The following NRG1 variants were observed in gnomAD, a reference collection of about 807,000 sequenced individuals.
NRG1 encodes neuregulin 1.
A neutral mutation model predicts 63.8 loss-of-function variants in NRG1; 18 were observed. That is an observed-to-expected ratio of 0.28 (90% CI 0.19 to 0.42). The LOEUF (loss-of-function observed/expected upper bound fraction) is 0.42. NRG1 is among the 10% of genes least tolerant of loss of function. The probability of loss-of-function intolerance (pLI) is 1.00; values close to 1 mark genes in which losing one functional copy is unlikely to be tolerated. For synonymous variants in NRG1, 302 were observed against 301.3 expected (o/e 1.00, Z -0.02); for missense variants, 762 against 814.7 (o/e 0.94, Z 0.79).
chr8:31,895,402 T>C (rs903110146), intron 1 of NRG1, among the ~76,000 whole-genome samples: 1 of 152,256 alleles, frequency 6.6e-6, no homozygotes. Context: ...GGGAAAATAC[T>C]CTATCTGTTG....
intron 1 of NRG1, among the ~76,000 whole-genome samples, chr8:31,826,507 C>T (rs973359911): frequency 2.0e-5 from 3 of 152,182 alleles, no homozygotes; most frequent in Non-Finnish European, 2.9e-5. Context: ...GTGAGGCCTC[C>T]CCAGCCATGT....
rs551072011 is a variant in NRG1, at chr8:32,277,202, A to G, written c.38-318626A>G. Reference sequence around the variant, plus strand: ...ATCTACCTCCCAAATAAGTAAGCATAACTTGAGCTCGCATTACAAAATGAC... The same window carrying G: ...ATCTACCTCCCAAATAAGTAAGCATGACTTGAGCTCGCATTACAAAATGAC... On this transcript the variant is annotated intron_variant, in intron 1 of 10. Transcript: ENST00000519301. 3.3e-5 allele frequency among the ~76,000 whole-genome samples: 5 copies of G among 152,354 alleles called. No homozygotes were observed. In the East Asian group the frequency reaches 9.6e-4, roughly 29 times the overall value.
chr8:31,877,883 A>C (rs1037117235), intron 1 of NRG1, among the ~76,000 whole-genome samples: 1 of 152,206 alleles, frequency 6.6e-6, no homozygotes, highest in Non-Finnish European at 1.5e-5. Context: ...CTGGATTTTG[A>C]TGTAGGTTAG....
chr8:32,128,552 A>T (rs1834399467), intron 1 of NRG1, among the ~76,000 whole-genome samples: 1 of 151,958 alleles, frequency 6.6e-6, no homozygotes, highest in Non-Finnish European at 1.5e-5. Context: ...TACATGTGAA[A>T]GTCCTTGAGA....
At chr8:32,751,064 A>G (rs923691097) in intron 7 of NRG1, 3 of 152,206 alleles carry the variant, frequency 2.0e-5, no homozygotes, top group African/African-American at 7.2e-5. Flanking sequence ...CCCCAACAGT[A>G]AAGTGAAAGA....
chr8:31,789,046 C>A (rs1820442573), intron 1 of NRG1, among the ~76,000 whole-genome samples: 1 of 152,176 alleles, frequency 6.6e-6, no homozygotes, highest in Non-Finnish European at 1.5e-5. Flanking sequence ...CCCTTGTCAG[C>A]ACACTGACCT....
At chr8:32,080,054 C>T (rs1827217070) in intron 1 of NRG1, among the ~76,000 whole-genome samples, 1 of 151,938 alleles carries the variant, frequency 6.6e-6, no homozygotes, top group African/African-American at 2.4e-5. Flanking sequence ...AAAAAAAAGA[C>T]AACAATACTT....
intron 1 of NRG1, among the ~76,000 whole-genome samples, chr8:31,656,473 G>A (rs2130912361): frequency 6.6e-6 from 1 of 152,280 alleles, no homozygotes; most frequent in Non-Finnish European, 1.5e-5. Context: ...AGTACTATTT[G>A]CCAACTTCCG....
chr8:32,368,692 A>AT (rs1435432465), intron 1 of NRG1, among the ~76,000 whole-genome samples: 20 of 152,040 alleles, frequency 1.3e-4, no homozygotes, highest in African/African-American at 3.6e-4. Flanking sequence ...GTATCTCCTG[A>AT]TTTTTTCCTT....
At chr8:32,282,417 G>C (rs1483534200) in intron 1 of NRG1, among the ~76,000 whole-genome samples, 5 of 152,226 alleles carry the variant, frequency 3.3e-5, no homozygotes, top group Non-Finnish European at 7.3e-5. Flanking sequence ...CATTAGGCCA[G>C]ATTTACTGTC....
At chr8:31,823,412 G>A (rs911177475) in intron 1 of NRG1, among the ~76,000 whole-genome samples, 6 of 151,956 alleles carry the variant, frequency 3.9e-5, no homozygotes, top group African/African-American at 4.8e-5. Flanking sequence ...GTGAACTATA[G>A]TTCACACAAT....
At chr8:32,106,671 A>T (rs1446427669) in intron 1 of NRG1, among the ~76,000 whole-genome samples, 1 of 152,200 alleles carries the variant, frequency 6.6e-6, no homozygotes. Context: ...ACAATTAAAA[A>T]TATATAGAAG....
chr8:31,911,548 C>T (rs1832945485), intron 1 of NRG1, among the ~76,000 whole-genome samples: 2 of 152,078 alleles, frequency 1.3e-5, no homozygotes, highest in South Asian at 4.1e-4. Flanking sequence ...ACCACATGGG[C>T]ACATAGAGGG....
chr8:32,397,826 A>G (rs1275566441), intron 1 of NRG1, among the ~76,000 whole-genome samples: 1 of 152,218 alleles, frequency 6.6e-6, no homozygotes, highest in Non-Finnish European at 1.5e-5. Context: ...AAGCAAGTTG[A>G]CATTCTTTCT....
At position 31,884,750 on chromosome 8, in the gene NRG1, C is replaced by T. The variant is rs570590007; in HGVS notation, c.37+245319C>T. 4.6e-5 allele frequency among the ~76,000 whole-genome samples: 7 copies of T among 152,184 alleles called. No homozygotes were observed. The South Asian group carries it at 1.2e-3, about 27-fold the overall frequency. ...TATGGAATGTATGGATCAAACATTACATTTATTCTGTATTGTGTGCATTTG... is the reference window on the plus strand; with the variant it reads ...TATGGAATGTATGGATCAAACATTATATTTATTCTGTATTGTGTGCATTTG... On this transcript the variant is annotated intron_variant, in intron 1 of 10. Coordinates refer to the NRG1 transcript ENST00000519301.
intron 1 of NRG1, among the ~76,000 whole-genome samples, chr8:31,918,944 T>G (rs4733105): frequency 0.26 from 38,920 of 151,892 alleles, 5,964 homozygotes; most frequent in East Asian, 0.69. Context: ...AGTGTATGTG[T>G]CGAGGAATTT....
chr8:32,179,054 T>A (rs1841128650), intron 1 of NRG1, among the ~76,000 whole-genome samples: 2 of 151,932 alleles, frequency 1.3e-5, no homozygotes, highest in African/African-American at 4.8e-5. Context: ...TCGGCTATGA[T>A]TTCAGACTCA....
intron 5 of NRG1, among the ~76,000 whole-genome samples, chr8:32,630,863 G>A (rs1003652812): frequency 6.6e-6 from 1 of 151,866 alleles, no homozygotes. Context: ...AACTTGAATG[G>A]CACTATCTCA....
intron 1 of NRG1, among the ~76,000 whole-genome samples, chr8:32,440,304 AC>A (rs1467171629): frequency 1.3e-5 from 2 of 152,042 alleles, no homozygotes; most frequent in Non-Finnish European, 2.9e-5. Flanking sequence ...AAACCATAGC[AC>A]CCGGCTAATT....
Sources: allele counts gnomAD v4.1 joint callset (sites outside exome capture counted in the v4.1 genomes callset), GRCh38; gene constraint gnomAD v4.1.1; transcripts MANE v1.5; gene names NCBI Gene and HGNC (gene_info 2026-07-23, HGNC 2026-07-21).